Variants in GALNT18 observed in about 807,000 individuals in gnomAD.
GALNT18 encodes the protein polypeptide N-acetylgalactosaminyltransferase 18.
Under a neutral mutation model 69.5 loss-of-function variants are expected in GALNT18, and 44 were observed. That is an observed-to-expected ratio of 0.63 (90% CI 0.50 to 0.81). GALNT18 has a LOEUF of 0.81. Among genes scored for constraint, GALNT18 ranks in the 40% least tolerant of loss-of-function variants. GALNT18 has a pLI of 0.00. For missense variants in GALNT18, 715 were observed against 810.0 expected (o/e 0.88, Z 1.42); for synonymous variants, 364 against 318.2 (o/e 1.14, Z -1.53).
rs1346175238 is a variant in GALNT18 at position 11,340,768 on chromosome 11, G to C, written c.1278+51C>G. 5 of 1,527,920 alleles carry C rather than the reference G, an allele frequency of 3.3e-6. No homozygotes were observed. Among genetic ancestry groups the C allele is most frequent in the Non-Finnish European group, 4.4e-6 (5 of 1,127,100 alleles). 94.6% of individuals were successfully genotyped at this position (1,527,920 alleles called of 1,614,324 possible). On this transcript the variant is annotated intron_variant, in intron 7 of 10. Coordinates refer to ENST00000227756, the MANE Select transcript of GALNT18 (RefSeq NM_198516.3). The surrounding 1 kb of genome is among the most constrained non-coding windows in gnomAD (Gnocchi z 4.2). ...AGGGTTCGGTCCCATATCTTGTTTTGTTTGTTTTCCACCAATCCCCGAGAA... is the reference window on the plus strand; with the variant it reads ...AGGGTTCGGTCCCATATCTTGTTTTCTTTGTTTTCCACCAATCCCCGAGAA...
Position 11,511,035 on chromosome 11 carries a change from C to T in GALNT18, c.236-62099G>A, listed in dbSNP as rs547009312. On this transcript the variant is annotated intron_variant, in intron 1 of 10. Coordinates refer to ENST00000227756, the MANE Select transcript of GALNT18 (RefSeq NM_198516.3). The surrounding 1 kb of genome is among the most constrained non-coding windows in gnomAD (Gnocchi z 4.9). Reference sequence around the variant, plus strand: ...TCTCGGCGGGGCGTGCAGCTGGTACCGCCTTCCACTTGACTCCTGACAAAG... The same window carrying T: ...TCTCGGCGGGGCGTGCAGCTGGTACTGCCTTCCACTTGACTCCTGACAAAG... Among the ~76,000 whole-genome samples, 94 of 152,128 alleles carry T rather than the reference C, an allele frequency of 6.2e-4. No homozygotes were observed. The highest frequency in any genetic ancestry group is 2.1e-3 in the African/African-American group (88 of 41,524).
chr11:11,325,735 T>A lies in GALNT18; in HGVS notation c.1512+1351A>T, dbSNP rs543642548. ...TTCAATACAATGTTTAAAAAGATAGTCACTCATTAAAAATGCCACACCATT... is the reference window on the plus strand; with the variant it reads ...TTCAATACAATGTTTAAAAAGATAGACACTCATTAAAAATGCCACACCATT... On this transcript the variant is annotated intron_variant, in intron 9 of 10. Coordinates refer to ENST00000227756, the MANE Select transcript of GALNT18 (RefSeq NM_198516.3). 1.3e-4 allele frequency among the ~76,000 whole-genome samples: 20 copies of A among 152,300 alleles called. No homozygotes were observed. In the South Asian group the frequency reaches 3.9e-3, roughly 30 times the overall value.
chr11:11,410,177 G>C (rs921913725), intron 3 of GALNT18, among the ~76,000 whole-genome samples: 2 of 152,284 alleles, frequency 1.3e-5, no homozygotes, highest in African/African-American at 4.8e-5. Flanking sequence ...GCTGGCTCCT[G>C]TTTCCCTGTG....
chr11:11,299,200 A>G (rs917094878), intron 9 of GALNT18, among the ~76,000 whole-genome samples: 3 of 152,138 alleles, frequency 2.0e-5, no homozygotes, highest in African/African-American at 4.8e-5. Flanking sequence ...TCTGGGGTGC[A>G]GTGGCATGAT....
intron 9 of GALNT18, among the ~76,000 whole-genome samples, chr11:11,304,342 T>C (rs4910308): frequency 0.63 from 95,465 of 152,014 alleles, 30,527 homozygotes; most frequent in Admixed American, 0.76. Flanking sequence ...ACCCCCTCCC[T>C]TCAAATTAAC....
intron 9 of GALNT18, among the ~76,000 whole-genome samples, chr11:11,302,697 G>T (rs1019169568): frequency 6.6e-6 from 1 of 152,240 alleles, no homozygotes; most frequent in South Asian, 2.1e-4. Flanking sequence ...AAGGATATGC[G>T]CAGGATGCGT....
At chr11:11,310,045 T>C (rs563387119) in intron 9 of GALNT18, among the ~76,000 whole-genome samples, 12 of 152,362 alleles carry the variant, frequency 7.9e-5, no homozygotes, top group African/African-American at 2.9e-4. Context: ...TCCCTTCTGA[T>C]GGCCAGGGCC....
chr11:11,276,177 T>C (rs1448957399), intron 10 of GALNT18, among the ~76,000 whole-genome samples: 1 of 152,242 alleles, frequency 6.6e-6, no homozygotes, highest in Non-Finnish European at 1.5e-5. Flanking sequence ...TGGAATGTTT[T>C]TCCATTTGCT....
At chr11:11,380,180 C>A (rs1312353293) in intron 3 of GALNT18, among the ~76,000 whole-genome samples, 1 of 152,210 alleles carries the variant, frequency 6.6e-6, no homozygotes, top group Non-Finnish European at 1.5e-5. Context: ...ATTAGATGTT[C>A]TTCCTTCTTC....
At position 11,339,762 on chromosome 11, in the gene GALNT18, G is replaced by T. The variant is rs1278401338; in HGVS notation, c.1278+1057C>A. On this transcript the variant is annotated intron_variant, in intron 7 of 10. Coordinates refer to ENST00000227756, the MANE Select transcript of GALNT18 (RefSeq NM_198516.3). The surrounding 1 kb of genome is among the most constrained non-coding windows in gnomAD (Gnocchi z 5.2). ...TGTGGGAGTATGCAACCCAACTCAA[G>T]TTCCCCTCTCCTACGGTGGTGGTGT... 1.3e-5 allele frequency among the ~76,000 whole-genome samples: 2 copies of T among 152,218 alleles called. No homozygotes were observed. The highest frequency in any genetic ancestry group is 2.9e-5 in the Non-Finnish European group (2 of 68,040).
intron 3 of GALNT18, among the ~76,000 whole-genome samples, chr11:11,390,824 C>A (rs539010164): frequency 6.0e-4 from 91 of 152,304 alleles, no homozygotes; most frequent in Middle Eastern, 3.4e-3. Flanking sequence ...ACAGTAGGAA[C>A]AGAGGCTTAG....
intron 3 of GALNT18, among the ~76,000 whole-genome samples, chr11:11,398,098 G>A (rs1403540592): frequency 1.3e-5 from 2 of 152,198 alleles, no homozygotes; most frequent in Non-Finnish European, 2.9e-5. Flanking sequence ...ACCCTGAGAG[G>A]AGCTTTTGGT....
chr11:11,308,027 T>C (rs974467746), intron 9 of GALNT18, among the ~76,000 whole-genome samples: 4 of 152,214 alleles, frequency 2.6e-5, no homozygotes, highest in Non-Finnish European at 5.9e-5. Context: ...CTGATTCTGA[T>C]ACCCACTTCC....
At chr11:11,331,735 C>T (rs566528637) in intron 8 of GALNT18, among the ~76,000 whole-genome samples, 7 of 152,136 alleles carry the variant, frequency 4.6e-5, no homozygotes, top group East Asian at 3.9e-4. Context: ...ACTCTGTTTC[C>T]CCACCTGTGA....
intron 1 of GALNT18, among the ~76,000 whole-genome samples, chr11:11,451,681 T>G (rs12417203): frequency 0.21 from 31,343 of 152,184 alleles, 3,453 homozygotes; most frequent in African/African-American, 0.23. Flanking sequence ...ACATCTGACT[T>G]GACCCCTGCT....
chr11:11,276,105 C>G (rs1454286820), intron 10 of GALNT18, among the ~76,000 whole-genome samples: 1 of 152,162 alleles, frequency 6.6e-6, no homozygotes, highest in Admixed American at 6.5e-5. Context: ...AGCACTGAAT[C>G]TACAAATTGC....
Position 11,435,525 on chromosome 11 carries a change from C to T in GALNT18, c.429-2738G>A, listed in dbSNP as rs1424390142. 6.6e-6 allele frequency among the ~76,000 whole-genome samples: 1 copy of T among 152,212 alleles called. No individual in the cohort carries two copies. On this transcript the variant is annotated intron_variant, in intron 2 of 10. Coordinates refer to ENST00000227756, the MANE Select transcript of GALNT18 (RefSeq NM_198516.3). This position sits in a 1 kb window ranked among gnomAD's most constrained non-coding sequence, Gnocchi z 4.4. ...TAGCTGAACACATTCTCTAGGGCAT[C>T]ACATTCGAACCTGTTTATTGTCTGC...
chr11:11,445,951 T>C (rs1192815193), intron 2 of GALNT18, among the ~76,000 whole-genome samples: 2 of 152,076 alleles, frequency 1.3e-5, no homozygotes, highest in African/African-American at 4.8e-5. Flanking sequence ...CTCAGGCAAA[T>C]TCCTCCCACA....
chr11:11,425,815 A>G (rs753271819), intron 3 of GALNT18, among the ~76,000 whole-genome samples: 32 of 152,248 alleles, frequency 2.1e-4, no homozygotes, highest in Non-Finnish European at 3.7e-4. Context: ...CGTGGCCACC[A>G]AAAACCTGTT....
Sources: allele counts gnomAD v4.1 joint callset (sites outside exome capture counted in the v4.1 genomes callset), GRCh38; gene constraint gnomAD v4.1.1; non-coding constraint Gnocchi (gnomAD v3.1); transcripts MANE v1.5; gene names NCBI Gene and HGNC (gene_info 2026-07-23, HGNC 2026-07-21).